LCOR: variants seen among roughly 807,000 people sequenced by gnomAD.
The protein encoded by LCOR is ligand dependent nuclear receptor corepressor.
A neutral mutation model predicts 64.4 loss-of-function variants in LCOR; 14 were observed. That is an observed-to-expected ratio of 0.22 (90% CI 0.14 to 0.34). The LOEUF (loss-of-function observed/expected upper bound fraction) is 0.34. Among genes scored for constraint, LCOR ranks in the 10% least tolerant of loss-of-function variants. LCOR has a pLI of 1.00. For synonymous variants in LCOR, 643 were observed against 642.5 expected, an observed-to-expected ratio of 1.00 and a Z score of -0.01; for missense variants, 1,686 against 1,765.3, an observed-to-expected ratio of 0.96 and a Z score of 0.80.
chr10:96,883,552 C>G (rs538599531), intron 2 of LCOR, among the ~76,000 whole-genome samples: 25 of 152,196 alleles, frequency 1.6e-4, no homozygotes, highest in Middle Eastern at 3.2e-3. Context: ...CTGATAGTTG[C>G]ATGGTTGTAT....
At chr10:96,873,303 A>G (rs572481178) in intron 2 of LCOR, among the ~76,000 whole-genome samples, 465 of 152,328 alleles carry the variant, frequency 3.1e-3, no homozygotes, top group Admixed American at 4.3e-3. Context: ...GGGGAAAAAA[A>G]CTAAGTCATT....
chr10:96,923,832 T>G (rs925276365), intron 4 of LCOR, among the ~76,000 whole-genome samples: 1 of 152,168 alleles, frequency 6.6e-6, no homozygotes, highest in African/African-American at 2.4e-5. Context: ...CTAAGACTTG[T>G]CACTAAATCT....
chr10:96,911,090 T>TC (rs1190846367), intron 4 of LCOR, among the ~76,000 whole-genome samples: 12 of 144,622 alleles, frequency 8.3e-5, no homozygotes, highest in African/African-American at 3.2e-4. Flanking sequence ...TTTTACATGT[T>TC]CCCTTTTTTT....
chr10:96,899,571 A>C (rs1002747731), intron 2 of LCOR, among the ~76,000 whole-genome samples: 4 of 152,126 alleles, frequency 2.6e-5, no homozygotes, highest in African/African-American at 9.6e-5. Context: ...TAATTTTAAC[A>C]AACTTTTGAT....
chr10:96,911,488 A>G (rs1253996044), intron 4 of LCOR, among the ~76,000 whole-genome samples: 1 of 152,220 alleles, frequency 6.6e-6, no homozygotes, highest in Non-Finnish European at 1.5e-5. Flanking sequence ...AGAGATGTTC[A>G]GTTATGGGCA....
At chr10:96,878,084 C>A (rs1287614000) in intron 2 of LCOR, among the ~76,000 whole-genome samples, 1 of 152,156 alleles carries the variant, frequency 6.6e-6, no homozygotes, top group Non-Finnish European at 1.5e-5. Context: ...GGCAGATTAT[C>A]AGTATATGCT....
intron 7 of LCOR, among the ~76,000 whole-genome samples, chr10:96,965,910 C>T (rs139818711): frequency 1.3e-5 from 2 of 152,084 alleles, no homozygotes; most frequent in South Asian, 2.1e-4. Context: ...AACTGGGAGC[C>T]AGGTCAGTAA....
chr10:96,923,727 C>T (rs1351976989), intron 4 of LCOR, among the ~76,000 whole-genome samples: 1 of 152,140 alleles, frequency 6.6e-6, no homozygotes, highest in Non-Finnish European at 1.5e-5. Flanking sequence ...TTTGTTTATT[C>T]AGTGATATCT....
intron 7 of LCOR, among the ~76,000 whole-genome samples, chr10:96,973,187 A>T (rs1442893697): frequency 6.6e-6 from 1 of 152,214 alleles, no homozygotes; most frequent in African/African-American, 2.4e-5. Flanking sequence ...TGTGATTTTT[A>T]TGAACTTCAT....
intron 2 of LCOR, among the ~76,000 whole-genome samples, chr10:96,905,457 G>A (rs979614928): frequency 1.3e-5 from 2 of 152,002 alleles, no homozygotes; most frequent in African/African-American, 4.8e-5. Flanking sequence ...GGCAGGTAGG[G>A]GGGCTTTAAG....
At chr10:96,852,446 A>G (rs897771494) in intron 2 of LCOR, among the ~76,000 whole-genome samples, 6 of 152,074 alleles carry the variant, frequency 3.9e-5, no homozygotes, top group African/African-American at 1.4e-4. Context: ...AAACCGACAA[A>G]TTATCTTTAG....
chr10:96,911,681 T>G (rs1846837643), intron 4 of LCOR, among the ~76,000 whole-genome samples: 1 of 152,204 alleles, frequency 6.6e-6, no homozygotes. Context: ...AAATGACCAA[T>G]TCTAGCTATG....
At chr10:96,838,198 T>C (rs1845479208) in intron 2 of LCOR, among the ~76,000 whole-genome samples, 1 of 152,228 alleles carries the variant, frequency 6.6e-6, no homozygotes, top group Admixed American at 6.5e-5. Context: ...AAGTGAGATA[T>C]AATTTACATA....
At chr10:96,947,731 A>G (rs1319370069) in intron 5 of LCOR, among the ~76,000 whole-genome samples, 1 of 150,770 alleles carries the variant, frequency 6.6e-6, no homozygotes, top group Middle Eastern at 3.2e-3. Context: ...TTTTGATCAC[A>G]TTTCCCTTTT....
rs1267943383 is a variant in LCOR at position 96,833,425 on chromosome 10, G to A, written c.-384G>A. On this transcript the variant is annotated 5_prime_UTR_variant, in exon 2 of 8. Transcript: ENST00000421806. ...CCCAAGGTCCCGTTTCCCTCTGTGC[G>A]GCGGCCGGCGGGACCATAAGGGCTT... 29 of 985,878 alleles carry A rather than the reference G, an allele frequency of 2.9e-5. No individual in the cohort carries two copies. The highest frequency in any genetic ancestry group is 3.4e-5 in the Non-Finnish European group (28 of 830,090). 61.1% of individuals were successfully genotyped at this position (985,878 alleles called of 1,614,324 possible). A position where few individuals can be genotyped will look rare whatever the true frequency, so the allele number is the denominator to read the frequency against.
At chr10:96,920,036 T>C (rs1309450236) in intron 4 of LCOR, among the ~76,000 whole-genome samples, 2 of 152,202 alleles carry the variant, frequency 1.3e-5, no homozygotes, top group Non-Finnish European at 2.9e-5. Flanking sequence ...GATCATATGG[T>C]AATCCTGTTT....
chr10:96,876,966 A>T (rs1183148953), intron 2 of LCOR, among the ~76,000 whole-genome samples: 3 of 152,192 alleles, frequency 2.0e-5, no homozygotes, highest in African/African-American at 4.8e-5. Flanking sequence ...AAGTGCAGGG[A>T]TTACAGGCGT....
chr10:96,832,427 C>T (rs923626299), intron 1 of LCOR, 28 bp downstream of exon 1: 21 of 916,320 alleles, frequency 2.3e-5, no homozygotes, highest in Non-Finnish European at 2.7e-5. Flanking sequence ...CCGCCGCCGC[C>T]CCTCCGGCCG....
At chr10:96,923,174 G>A (rs1216058322) in intron 4 of LCOR, among the ~76,000 whole-genome samples, 1 of 152,150 alleles carries the variant, frequency 6.6e-6, no homozygotes, top group Non-Finnish European at 1.5e-5. Context: ...TCAATGAGTT[G>A]CATCATGTCA....
Sources: gnomAD v4.1 joint callset for allele counts (sites outside exome capture counted in the v4.1 genomes callset) on GRCh38, gnomAD v4.1.1 for gene constraint, MANE v1.5 for transcripts, NCBI Gene and HGNC (gene_info 2026-07-23, HGNC 2026-07-21) for gene names.